The following NLK variants were observed in gnomAD, a reference collection of about 807,000 sequenced individuals.
NLK encodes the protein serine/threonine-protein kinase NLK.
Under a neutral mutation model 59.0 loss-of-function variants are expected in NLK, and 11 were observed. The ratio of observed to expected loss-of-function variants is 0.19; its 90% CI spans 0.12 to 0.31. NLK has a LOEUF of 0.31. Among genes scored for constraint, NLK ranks in the 10% least tolerant of loss-of-function variants. The probability of loss-of-function intolerance (pLI) is 1.00; values close to 1 mark genes in which losing one functional copy is unlikely to be tolerated. For missense variants in NLK, 410 were observed against 661.1 expected, an observed-to-expected ratio of 0.62 and a Z score of 4.16; for synonymous variants, 235 against 235.9, an observed-to-expected ratio of 1.00 and a Z score of 0.03.
At chr17:28,143,098 C>T (rs1474775193) in intron 3 of NLK, among the ~76,000 whole-genome samples, 1 of 145,788 alleles carries the variant, frequency 6.9e-6, no homozygotes, top group Non-Finnish European at 1.5e-5. Context: ...GGGAGAAGTA[C>T]AATGGCATGA....
chr17:28,173,305 C>T (rs1386378381), intron 7 of NLK, among the ~76,000 whole-genome samples: 1 of 152,134 alleles, frequency 6.6e-6, no homozygotes, highest in Non-Finnish European at 1.5e-5. Context: ...AAGACTTGAA[C>T]AGGATGACCC....
intron 1 of NLK, among the ~76,000 whole-genome samples, chr17:28,084,521 G>A (rs1385366468): frequency 1.3e-5 from 2 of 151,968 alleles, no homozygotes; most frequent in African/African-American, 4.8e-5. Context: ...TGAATTGCCT[G>A]GGCTGTGACT....
At chr17:28,064,414 T>G (rs1466417348) in intron 1 of NLK, among the ~76,000 whole-genome samples, 2 of 152,010 alleles carry the variant, frequency 1.3e-5, no homozygotes, top group Non-Finnish European at 2.9e-5. Context: ...TCCCAAAGTG[T>G]TGGGATTATA....
intron 1 of NLK, among the ~76,000 whole-genome samples, chr17:28,079,710 T>C (rs1354035726): frequency 1.3e-5 from 2 of 152,140 alleles, no homozygotes; most frequent in African/African-American, 4.8e-5. Context: ...GTTGTCAGAG[T>C]TCCTTGTATA....
At chr17:28,190,658 A>G (rs1909273098) in intron 8 of NLK, among the ~76,000 whole-genome samples, 1 of 152,136 alleles carries the variant, frequency 6.6e-6, no homozygotes, top group African/African-American at 2.4e-5. Context: ...TATTTAGAAA[A>G]TATAGCCTGT....
intron 1 of NLK, among the ~76,000 whole-genome samples, chr17:28,122,298 C>T (rs767349590): frequency 1.4e-4 from 22 of 152,080 alleles, no homozygotes; most frequent in Non-Finnish European, 2.4e-4. Context: ...GGCTTTACCA[C>T]TAATACCTCT....
At chr17:28,149,662 CAG>C (rs1907400454) in intron 3 of NLK, among the ~76,000 whole-genome samples, 2 of 152,268 alleles carry the variant, frequency 1.3e-5, no homozygotes, top group East Asian at 3.9e-4. Context: ...AATTGAAAAT[CAG>C]AACCTAAGGA....
intron 1 of NLK, among the ~76,000 whole-genome samples, chr17:28,090,711 A>G (rs1263513508): frequency 1.3e-5 from 2 of 152,166 alleles, no homozygotes; most frequent in South Asian, 2.1e-4. Context: ...TTAAAAAATA[A>G]TAATAATAAT....
At chr17:28,128,432 T>C (rs550304610) in intron 2 of NLK, among the ~76,000 whole-genome samples, 2 of 152,312 alleles carry the variant, frequency 1.3e-5, no homozygotes, top group East Asian at 3.9e-4. Context: ...AATAAATGTT[T>C]TACTTGATAT....
At position 28,042,972 on chromosome 17, in the gene NLK, C is replaced by T. The variant is rs1908912296; in HGVS notation, c.99C>T (p.His33=). 1 of 1,556,626 alleles carries T rather than the reference C, an allele frequency of 6.4e-7. No individual in the cohort carries two copies. The highest frequency in any genetic ancestry group is 8.7e-7 in the Non-Finnish European group (1 of 1,149,626). Residue 33 remains histidine, a synonymous_variant, in exon 1 of 11, where the codon CAC becomes CAT. Coordinates refer to ENST00000407008, the MANE Select transcript of NLK (RefSeq NM_016231.5). ...CAGGTCACCACCACCACCATCACCACCACCTTCCACACCTCCCTCCTCCTC... is the reference window on the plus strand; with the variant it reads ...CAGGTCACCACCACCACCATCACCATCACCTTCCACACCTCCCTCCTCCTC... ...AAAGHHHHHH[H]HLPHLPPPHL...
chr17:28,086,781 C>A (rs539897507), intron 1 of NLK, among the ~76,000 whole-genome samples: 18 of 151,532 alleles, frequency 1.2e-4, no homozygotes, highest in African/African-American at 4.1e-4. Flanking sequence ...GCCTATAATC[C>A]CAGCACTTTG....
intron 1 of NLK, among the ~76,000 whole-genome samples, chr17:28,057,016 G>A (rs1043397790): frequency 1.4e-4 from 20 of 146,288 alleles, no homozygotes; most frequent in East Asian, 4.1e-4. Context: ...GTGCAATGGC[G>A]CGATCTTGGC....
chr17:28,081,151 A>C (rs1318628687), intron 1 of NLK, among the ~76,000 whole-genome samples: 4 of 151,488 alleles, frequency 2.6e-5, no homozygotes, highest in Non-Finnish European at 5.9e-5. Context: ...CAGGCTCCCA[A>C]AGTGCTCAGA....
At chr17:28,155,470 C>T (rs1409277185) in intron 3 of NLK, among the ~76,000 whole-genome samples, 2 of 152,170 alleles carry the variant, frequency 1.3e-5, no homozygotes, top group African/African-American at 4.8e-5. Flanking sequence ...GCTATAAAGA[C>T]ATATGCACAC....
chr17:28,167,877 TC>T (rs1908305269), intron 5 of NLK, among the ~76,000 whole-genome samples: 2 of 152,006 alleles, frequency 1.3e-5, no homozygotes, highest in South Asian at 4.2e-4. Flanking sequence ...TTTTTTTGCT[TC>T]GATTATCAAC....
At chr17:28,140,798 A>AC (rs1416228708) in intron 3 of NLK, among the ~76,000 whole-genome samples, 81 of 150,758 alleles carry the variant, frequency 5.4e-4, no homozygotes, top group Non-Finnish European at 9.8e-4. Context: ...CCCCTACCCC[A>AC]CCCCCCAAAA....
intron 2 of NLK, among the ~76,000 whole-genome samples, chr17:28,129,282 G>A (rs182857355): frequency 1.6e-3 from 250 of 152,128 alleles, no homozygotes; most frequent in Non-Finnish European, 2.8e-3. Context: ...GTGAAACCCC[G>A]TCTCTACTAA....
At chr17:28,047,916 G>A (rs763364737) in intron 1 of NLK, 7 of 398,378 alleles carry the variant, frequency 1.8e-5, no homozygotes, top group Admixed American at 4.4e-5. Context: ...GTGTTTTACA[G>A]GTTGAGAATC....
intron 1 of NLK, among the ~76,000 whole-genome samples, chr17:28,052,710 C>T (rs1161873345): frequency 6.6e-6 from 1 of 152,090 alleles, no homozygotes; most frequent in African/African-American, 2.4e-5. Flanking sequence ...ATTGTCATTT[C>T]AACATGTATT....
Sources: allele counts gnomAD v4.1 joint callset (sites outside exome capture counted in the v4.1 genomes callset), GRCh38; gene constraint gnomAD v4.1.1; transcripts MANE v1.5; gene names NCBI Gene and HGNC (gene_info 2026-07-23, HGNC 2026-07-21).